STK39: variants seen among roughly 807,000 people sequenced by gnomAD.
STK39 encodes serine/threonine kinase 39, also known as STE20/SPS1-related proline-alanine-rich protein kinase.
STK39 carries 20 observed loss-of-function variants against 77.8 expected under a neutral mutation model. The observed-to-expected ratio is 0.26, with a 90% confidence interval of 0.18 to 0.37. The LOEUF is 0.37. STK39 is among the 10% of genes least tolerant of loss of function. The pLI, the probability that STK39 is intolerant of heterozygous loss-of-function variation, is 1.00. For synonymous variants in STK39, 246 were observed against 234.1 expected, an observed-to-expected ratio of 1.05 and a Z score of -0.47; for missense variants, 479 against 656.5, an observed-to-expected ratio of 0.73 and a Z score of 2.95.
intron 2 of STK39, among the ~76,000 whole-genome samples, chr2:168,173,089 A>T (rs1317116434): frequency 6.6e-6 from 1 of 152,220 alleles, no homozygotes; most frequent in Non-Finnish European, 1.5e-5. Context: ...GCTGAAATGT[A>T]TTTTTCTTTC....
intron 10 of STK39, among the ~76,000 whole-genome samples, chr2:168,080,884 G>A (rs1204035851): frequency 1.3e-5 from 2 of 152,226 alleles, no homozygotes; most frequent in African/African-American, 4.8e-5. Context: ...TTGCTTCAGA[G>A]GGTGCAAACC....
chr2:168,241,021 A>G lies in STK39; in HGVS notation c.208+6207T>C, dbSNP rs146884139. On this transcript the variant is annotated intron_variant, in intron 1 of 17. Transcript: ENST00000355999. The stretch of plus-strand genomic sequence containing the variant: ...GTTTCTTAGGGAAAGGGCAGAAGCC[A>G]GACTGCAGTGGGCTGAGAGGGAATG... Among the ~76,000 whole-genome samples, 1,395 of 152,366 alleles carry G rather than the reference A, an allele frequency of 9.2e-3. 19 individuals carry two copies. The highest frequency in any genetic ancestry group is 0.029 in the African/African-American group (1,213 of 41,586).
At chr2:168,176,450 C>T (rs1365797345) in intron 2 of STK39, among the ~76,000 whole-genome samples, 1 of 152,158 alleles carries the variant, frequency 6.6e-6, no homozygotes, top group Non-Finnish European at 1.5e-5. Context: ...AAATGATCAT[C>T]AAGCCACGAA....
chr2:167,971,091 G>A (rs2105251693), intron 16 of STK39, among the ~76,000 whole-genome samples: 1 of 152,310 alleles, frequency 6.6e-6, no homozygotes, highest in Non-Finnish European at 1.5e-5. Context: ...AGCACTGAGT[G>A]AACATGCAAG....
chr2:168,129,655 A>C, intron 9 of STK39, 49 bp from the exon 10 acceptor site: 1 of 1,613,978 alleles, frequency 6.2e-7, no homozygotes, highest in South Asian at 1.1e-5. Flanking sequence ...TGATACACAT[A>C]AATACACAGT....
At chr2:168,158,667 G>A (rs1290323191) in intron 5 of STK39, among the ~76,000 whole-genome samples, 1 of 152,166 alleles carries the variant, frequency 6.6e-6, no homozygotes, top group Non-Finnish European at 1.5e-5. Context: ...TGGCTACACC[G>A]CTTATTCTAC....
intron 16 of STK39, among the ~76,000 whole-genome samples, chr2:167,973,659 G>T (rs961685940): frequency 4.6e-5 from 7 of 152,152 alleles, no homozygotes; most frequent in Non-Finnish European, 5.9e-5. Flanking sequence ...CATGCAAGGT[G>T]TGTGAGGAGA....
At chr2:168,176,756 T>C (rs1320717607) in intron 2 of STK39, among the ~76,000 whole-genome samples, 1 of 152,182 alleles carries the variant, frequency 6.6e-6, no homozygotes, top group Non-Finnish European at 1.5e-5. Context: ...TCTTTCATTA[T>C]GTTCATAGGA....
chr2:168,073,669 C>G (rs1190347308), intron 12 of STK39, among the ~76,000 whole-genome samples: 1 of 152,146 alleles, frequency 6.6e-6, no homozygotes, highest in African/African-American at 2.4e-5. Context: ...GGCTCTGTCA[C>G]CCAGGTTGGA....
chr2:168,030,929 TCAGGGCACACTTGC>T (rs1684817831), intron 14 of STK39, among the ~76,000 whole-genome samples: 1 of 152,216 alleles, frequency 6.6e-6, no homozygotes, highest in South Asian at 2.1e-4. Flanking sequence ...CGAGAATACA[TCAGGGCACACTTGC>T]CAGGAGACCG....
intron 14 of STK39, among the ~76,000 whole-genome samples, chr2:168,053,852 G>T (rs952210286): frequency 6.6e-6 from 1 of 152,110 alleles, no homozygotes; most frequent in Non-Finnish European, 1.5e-5. Flanking sequence ...AGTGTCAGAA[G>T]ACCCAGATGC....
At chr2:167,972,084 C>T (rs1006435874) in intron 16 of STK39, among the ~76,000 whole-genome samples, 7 of 152,164 alleles carry the variant, frequency 4.6e-5, no homozygotes, top group Non-Finnish European at 7.3e-5. Context: ...TATGATGTGG[C>T]TTGGCCCCAG....
chr2:168,217,574 T>TA lies in STK39; in HGVS notation c.208+29653dup, dbSNP rs1690056831. Among the ~76,000 whole-genome samples the TA allele has an allele frequency of 2.0e-5, 3 of 152,240 alleles. No homozygotes were observed. The South Asian group carries it at 6.2e-4, about 32-fold the overall frequency. On this transcript the variant is annotated intron_variant, in intron 1 of 17. Transcript: ENST00000355999. Reference sequence around the variant, plus strand: ...CCCCTCAGTATTCGTGGGGGATTGGTACCAAAATTCATGGATGCTCAAGAA... The same window carrying TA: ...CCCCTCAGTATTCGTGGGGGATTGGTAACCAAAATTCATGGATGCTCAAGAA...
At chr2:168,005,481 A>C (rs1684108825) in intron 16 of STK39, among the ~76,000 whole-genome samples, 1 of 152,188 alleles carries the variant, frequency 6.6e-6, no homozygotes, top group South Asian at 2.1e-4. Flanking sequence ...CAATATTTAC[A>C]TTATCCAAAT....
intron 10 of STK39, among the ~76,000 whole-genome samples, chr2:168,126,769 G>T (rs1440872334): frequency 6.6e-6 from 1 of 152,180 alleles, no homozygotes; most frequent in African/African-American, 2.4e-5. Flanking sequence ...GAACCTACAG[G>T]TGAGGGGTGG....
chr2:168,170,762 A>G (rs943997604), intron 2 of STK39, among the ~76,000 whole-genome samples: 11 of 152,218 alleles, frequency 7.2e-5, no homozygotes, highest in African/African-American at 2.2e-4. Flanking sequence ...GGCCGACAGT[A>G]CTGCCTGGCT....
intron 14 of STK39, among the ~76,000 whole-genome samples, chr2:168,041,366 C>G (rs535349426): frequency 6.6e-6 from 1 of 151,714 alleles, no homozygotes; most frequent in Non-Finnish European, 1.5e-5. Flanking sequence ...TTGATCACAC[C>G]TACTTGAAAA....
chr2:168,237,530 A>T (rs2105273694), intron 1 of STK39, among the ~76,000 whole-genome samples: 1 of 152,300 alleles, frequency 6.6e-6, no homozygotes. Flanking sequence ...GCCAGTTTTC[A>T]AAGGGAATGC....
chr2:168,204,927 G>A (rs1689702675), intron 1 of STK39, among the ~76,000 whole-genome samples: 1 of 152,146 alleles, frequency 6.6e-6, no homozygotes, highest in South Asian at 2.1e-4. Context: ...GAATTCCTTT[G>A]TATACTGGTG....
Sources: allele counts gnomAD v4.1 joint callset (sites outside exome capture counted in the v4.1 genomes callset), GRCh38; gene constraint gnomAD v4.1.1; transcripts MANE v1.5; gene names NCBI Gene and HGNC (gene_info 2026-07-23, HGNC 2026-07-21).